The following AMMECR1L variants were observed in gnomAD, a reference collection of about 807,000 sequenced individuals.
AMMECR1L encodes the protein AMMECR1 like.
A neutral mutation model predicts 36.8 loss-of-function variants in AMMECR1L; 4 were observed. That is an observed-to-expected ratio of 0.11 (90% CI 0.05 to 0.25). The LOEUF is 0.25. AMMECR1L is among the 10% of genes least tolerant of loss of function. The probability of loss-of-function intolerance (pLI) is 1.00; values close to 1 mark genes in which losing one functional copy is unlikely to be tolerated. For synonymous variants in AMMECR1L, 147 were observed against 148.0 expected, an observed-to-expected ratio of 0.99 and a Z score of 0.05; for missense variants, 232 against 392.1, an observed-to-expected ratio of 0.59 and a Z score of 3.45.
chr2:127,868,473 T>C (rs1480539467), intron 6 of AMMECR1L, among the ~76,000 whole-genome samples: 5 of 152,200 alleles, frequency 3.3e-5, no homozygotes, highest in Non-Finnish European at 7.3e-5. Context: ...CAGGCAATCG[T>C]TTTCCATGTT....
chr2:127,883,400 T>C (rs1691609214), intron 2 of AMMECR1L, among the ~76,000 whole-genome samples: 1 of 152,196 alleles, frequency 6.6e-6, no homozygotes, highest in Non-Finnish European at 1.5e-5. Context: ...TGGCCAGAAC[T>C]ATACATTTTC....
In AMMECR1L at chr2:127,873,677, A is replaced by T. The variant is rs899243125; in HGVS notation, c.407+151T>A. 12 of 1,542,318 alleles carry T rather than the reference A, an allele frequency of 7.8e-6. No homozygotes were observed. In the East Asian group the frequency reaches 9.0e-5, roughly 12 times the overall value. ...TTACTGAATCCACTGAATGTTTTAA[A>T]TATTCTCTGGACATTTCTTATCATT... is the stretch of plus-strand genomic sequence containing the variant. On this transcript the variant is annotated intron_variant, in intron 3 of 7. Coordinates refer to ENST00000272647, the MANE Select transcript of AMMECR1L (RefSeq NM_001199140.2). This position sits in a 1 kb window ranked among gnomAD's most constrained non-coding sequence, Gnocchi z 5.2.
rs752395245 is a variant in AMMECR1L at position 127,874,275 on chromosome 2, A to T, written c.-38-3T>A. 2.5e-6 allele frequency: 4 copies of T among 1,592,438 alleles called. No individual in the cohort carries two copies. Among genetic ancestry groups the T allele is most frequent in the Non-Finnish European group, 3.4e-6 (4 of 1,174,878 alleles). On this transcript the variant is annotated splice_region_variant and splice_polypyrimidine_tract_variant and intron_variant, in intron 2 of 7. Transcript: ENST00000272647. This position sits in a 1 kb window ranked among gnomAD's most constrained non-coding sequence, Gnocchi z 5.2. ...AAGGTCTGGAATGCTGCAGAACCCT[A>T]ACCAAAATGAGAAGTTAAGCATTAA...
chr2:127,873,394 CCT>C lies in AMMECR1L; in HGVS notation c.407+432_407+433del, dbSNP rs548430532. On this transcript the variant is annotated intron_variant, in intron 3 of 7. Transcript: ENST00000272647. This position sits in a 1 kb window ranked among gnomAD's most constrained non-coding sequence, Gnocchi z 5.2. ...TTCTCATGAACAAAGTGAGGGGACC[CCT>C]GTTAACCAAATCGCAGATCCCAGTG... is the stretch of plus-strand genomic sequence containing the variant. The C allele has an allele frequency of 1.5e-5, 15 of 985,388 alleles. No homozygotes were observed. The highest frequency in any genetic ancestry group is 1.4e-4 in the South Asian group (3 of 21,284). 61.0% of individuals were successfully genotyped at this position (985,388 alleles called of 1,614,324 possible).
chr2:127,865,135 C>T lies in AMMECR1L; in HGVS notation c.892G>A (p.Gly298Ser), dbSNP rs755925313. The change falls in exon 8 of 8, where the codon GGC becomes AGC. Residue 298 changes from glycine to serine, a missense_variant. Gly to Ser is a moderately conservative substitution (Grantham distance 56). Around this residue, in one of 3 missense-constraint regions of AMMECR1L, gnomAD observed 40 missense variants for 34.5 expected, o/e 1.16. Coordinates refer to ENST00000272647, the MANE Select transcript of AMMECR1L (RefSeq NM_001199140.2). The surrounding 1 kb of genome is among the most constrained non-coding windows in gnomAD (Gnocchi z 5.4). ...IASRQHCFQN[G>S]TLHAPPLYNH... ...TAGAGGGGCGGGGCATGAAGAGTGC[C>T]GTTCTGGAAACAGTGCTGTCGGGAA... is the stretch of plus-strand genomic sequence containing the variant. 3.1e-6 allele frequency: 5 copies of T among 1,613,866 alleles called. No individual in the cohort carries two copies. Among genetic ancestry groups the T allele is most frequent in the Admixed American group, 1.7e-5 (1 of 59,986 alleles).
In AMMECR1L at chr2:127,869,596, C is replaced by A; in HGVS notation, c.634-52G>T. 7.1e-7 allele frequency: 1 copy of A among 1,406,580 alleles called. No individual in the cohort carries two copies. The allele number at this position is 1,406,580 out of a possible 1,614,324, so 87.1% of individuals were successfully genotyped here. A position where few individuals can be genotyped will look rare whatever the true frequency, so the allele number is the denominator to read the frequency against. Reference sequence around the variant, plus strand: ...ATGGCATTTACTTACTCTAATGGAACTTCAGTCCCCACATATAAATCAACA... The same window carrying A: ...ATGGCATTTACTTACTCTAATGGAAATTCAGTCCCCACATATAAATCAACA... On this transcript the variant is annotated intron_variant, in intron 5 of 7. Coordinates refer to ENST00000272647, the MANE Select transcript of AMMECR1L (RefSeq NM_001199140.2). The surrounding 1 kb of genome is among the most constrained non-coding windows in gnomAD (Gnocchi z 4.7).
intron 6 of AMMECR1L, among the ~76,000 whole-genome samples, chr2:127,868,559 A>G (rs1690809614): frequency 6.6e-6 from 1 of 152,182 alleles, no homozygotes; most frequent in Non-Finnish European, 1.5e-5. Flanking sequence ...TGTTTCACAT[A>G]TTATTTTCAA....
chr2:127,866,882 A>C lies in AMMECR1L; in HGVS notation c.821+18T>G. 6.2e-7 allele frequency: 1 copy of C among 1,609,684 alleles called. No individual in the cohort carries two copies. The highest frequency in any genetic ancestry group is 8.5e-7 in the Non-Finnish European group (1 of 1,175,958). Reference sequence around the variant, plus strand: ...CCAACTAAATTGAAATGATAAGGAAAACAAGACAATGGCTTACCTGGTGAG... The same window carrying C: ...CCAACTAAATTGAAATGATAAGGAACACAAGACAATGGCTTACCTGGTGAG... On this transcript the variant is annotated intron_variant, in intron 7 of 7. Coordinates refer to ENST00000272647, the MANE Select transcript of AMMECR1L (RefSeq NM_001199140.2).
Position 127,871,356 on chromosome 2 carries a change from C to T in AMMECR1L, c.411G>A (p.Pro137=), listed in dbSNP as rs1690956445. ...RLPRFTNDPY[P]LFVTWKTGRD... ...GCCCTGTCTTCCACGTCACAAAGAG[C>T]GGACTAAAAAAAGCAAAACACAAAA... Residue 137 remains proline, a synonymous_variant, in exon 4 of 8, where the codon CCG becomes CCA. Coordinates refer to ENST00000272647, the MANE Select transcript of AMMECR1L (RefSeq NM_001199140.2). This position sits in a 1 kb window ranked among gnomAD's most constrained non-coding sequence, Gnocchi z 4.3. The T allele has an allele frequency of 6.2e-7, 1 of 1,613,280 alleles. No homozygotes were observed. The highest frequency in any genetic ancestry group is 8.5e-7 in the Non-Finnish European group (1 of 1,179,918).
chr2:127,865,157 G>GGAA lies in AMMECR1L; in HGVS notation c.867_869dup (p.Ser290dup). On this transcript the variant is annotated inframe_insertion, in exon 8 of 8. Transcript: ENST00000272647. This position sits in a 1 kb window ranked among gnomAD's most constrained non-coding sequence, Gnocchi z 5.4. ...TGCCGTTCTGGAAACAGTGCTGTCGGGAAGCAATATACTCTGCGTAACTGA... is the reference window on the plus strand; with the variant it reads ...TGCCGTTCTGGAAACAGTGCTGTCGGGAAGAAGCAATATACTCTGCGTAACTGA... The GGAA allele has an allele frequency of 6.2e-7, 1 of 1,613,926 alleles. No individual in the cohort carries two copies. The highest frequency in any genetic ancestry group is 8.5e-7 in the Non-Finnish European group (1 of 1,179,912).
chr2:127,882,901 AT>A (rs35596458), intron 2 of AMMECR1L, among the ~76,000 whole-genome samples: 3,019 of 132,874 alleles, frequency 0.023, 85 homozygotes, highest in African/African-American at 0.072. Flanking sequence ...TGTGCCCAGA[AT>A]TTTTTTTTTT....
intron 1 of AMMECR1L, among the ~76,000 whole-genome samples, 163 bp from the exon 2 acceptor site, chr2:127,884,475 C>T (rs1003791815): frequency 6.6e-6 from 1 of 152,130 alleles, no homozygotes; most frequent in African/African-American, 2.4e-5. Flanking sequence ...ACCTTGCAAA[C>T]TCTAAATCTG....
chr2:127,873,926 C>A lies in AMMECR1L; in HGVS notation c.309G>T (p.Val103=). Residue 103 remains valine (V), a synonymous_variant, in exon 3 of 8, where the codon GTG becomes GTT. Transcript: ENST00000272647. This position sits in a 1 kb window ranked among gnomAD's most constrained non-coding sequence, Gnocchi z 5.2. ...AGTAGCAGCACATCTCTGCAGTCACCACCAGATTCTTAGTGGTGTTGGCAG... is the reference window on the plus strand; with the variant it reads ...AGTAGCAGCACATCTCTGCAGTCACAACCAGATTCTTAGTGGTGTTGGCAG... The part of the protein sequence containing the change: ...NGTANTTKNL[V]VTAEMCCYCF... 1 of 1,614,182 alleles carries A rather than the reference C, an allele frequency of 6.2e-7. No homozygotes were observed. Among genetic ancestry groups the A allele is most frequent in the East Asian group, 2.2e-5 (1 of 44,876 alleles).
chr2:127,883,055 T>C (rs777177839), intron 2 of AMMECR1L, among the ~76,000 whole-genome samples: 1 of 151,816 alleles, frequency 6.6e-6, no homozygotes, highest in Non-Finnish European at 1.5e-5. Context: ...ACAATTGTTT[T>C]TAAGCTTTAT....
intron 1 of AMMECR1L, chr2:127,885,267 G>C: frequency 4.1e-6 from 4 of 983,834 alleles, no homozygotes; most frequent in East Asian, 2.3e-4. Flanking sequence ...GGGGAAAAGC[G>C]GGCCGAGGGA....
At chr2:127,870,954 A>G in intron 4 of AMMECR1L, 26 bp from the exon 5 acceptor site, 1 of 1,573,126 alleles carries the variant, frequency 6.4e-7, no homozygotes, top group Non-Finnish European at 8.7e-7. Context: ...AAACATAGGT[A>G]AGGCTGCTCT....
rs955824557 is a variant in AMMECR1L at position 127,865,609 on chromosome 2, A to G, written c.822-404T>C. 2.6e-5 allele frequency among the ~76,000 whole-genome samples: 4 copies of G among 152,264 alleles called. No individual in the cohort carries two copies. Among genetic ancestry groups the G allele is most frequent in the African/African-American group, 9.6e-5 (4 of 41,468 alleles). ...TCTACTTCCAGAGTAAATGTGATAC[A>G]TTTGACAGAAATGCAACCTCAATTC... On this transcript the variant is annotated intron_variant, in intron 7 of 7. Transcript: ENST00000272647. This position sits in a 1 kb window ranked among gnomAD's most constrained non-coding sequence, Gnocchi z 5.4.
At position 127,871,825 on chromosome 2, in the gene AMMECR1L, A is replaced by G. The variant is rs1274741199; in HGVS notation, c.408-466T>C. 6.6e-6 allele frequency among the ~76,000 whole-genome samples: 1 copy of G among 152,148 alleles called. No homozygotes were observed. Among genetic ancestry groups the G allele is most frequent in the African/African-American group, 2.4e-5 (1 of 41,432 alleles). Reference sequence around the variant, plus strand: ...ATGATCATGTCTGCCCCTGACAACTACAAATATTTCCACTCACAAATTTTC... The same window carrying G: ...ATGATCATGTCTGCCCCTGACAACTGCAAATATTTCCACTCACAAATTTTC... On this transcript the variant is annotated intron_variant, in intron 3 of 7. Transcript: ENST00000272647. This position sits in a 1 kb window ranked among gnomAD's most constrained non-coding sequence, Gnocchi z 4.3.
chr2:127,874,192 C>T lies in AMMECR1L; in HGVS notation c.43G>A (p.Ala15Thr), dbSNP rs1036949319. Reference protein sequence around the residue: ...RCVPPLEPKLAAGCCGVKKPK... With the variant: ...RCVPPLEPKLTAGCCGVKKPK... ...TTCTTGACCCCACAACAGCCTGCTG[C>T]CAACTTGGGCTCGAGTGGAGGAACA... Residue 15 changes from alanine (A) to threonine (T), a missense_variant, in exon 3 of 8, where the codon GCA (alanine) becomes ACA (threonine). Ala to Thr is a moderately conservative substitution (Grantham distance 58). Transcript: ENST00000272647. This position sits in a 1 kb window ranked among gnomAD's most constrained non-coding sequence, Gnocchi z 5.2. 6.2e-7 allele frequency: 1 copy of T among 1,614,202 alleles called. No individual in the cohort carries two copies. Among genetic ancestry groups the T allele is most frequent in the Non-Finnish European group, 8.5e-7 (1 of 1,180,038 alleles).
Sources: allele counts gnomAD v4.1 joint callset (sites outside exome capture counted in the v4.1 genomes callset), GRCh38; gene constraint gnomAD v4.1.1; regional missense constraint gnomAD v4.1.1; non-coding constraint Gnocchi (gnomAD v3.1); transcripts MANE v1.5; gene names NCBI Gene and HGNC (gene_info 2026-07-23, HGNC 2026-07-21).